The following ENKUR variants were observed in gnomAD, a reference collection of about 807,000 sequenced individuals.
The protein encoded by ENKUR is enkurin, TRPC channel interacting protein, also known as enkurin.
A neutral mutation model predicts 27.6 loss-of-function variants in ENKUR; 19 were observed. The observed-to-expected ratio is 0.69, with a 90% CI of 0.48 to 1.01. ENKUR has a LOEUF of 1.01. Among genes scored for constraint, ENKUR ranks in the 50% least tolerant of loss-of-function variants. The probability of loss-of-function intolerance (pLI) is 0.00; values close to 1 mark genes in which losing one functional copy is unlikely to be tolerated. For synonymous variants in ENKUR, 117 were observed against 96.9 expected (o/e 1.21, Z -1.22); for missense variants, 312 against 310.5 (o/e 1.00, Z -0.04).
In ENKUR at chr10:25,023,485, G is replaced by A. The variant is rs143858970; in HGVS notation, c.38-27616C>T. Reference sequence around the variant, plus strand: ...AGGTTGTTGTGTCATAGATGTGGATGATGATATCCTTGAAAAAACCTGGAA... The same window carrying A: ...AGGTTGTTGTGTCATAGATGTGGATAATGATATCCTTGAAAAAACCTGGAA... On this transcript the variant is annotated intron_variant, in intron 2 of 5. Transcript: ENST00000615958. The A allele has an allele frequency of 5.6e-6, 9 of 1,614,132 alleles. No individual in the cohort carries two copies. In the Middle Eastern group the frequency reaches 6.6e-4, roughly 118 times the overall value.
intron 2 of ENKUR, 49 bp from the exon 3 acceptor site, chr10:24,995,918 A>C: frequency 7.1e-7 from 1 of 1,411,280 alleles, no homozygotes; most frequent in Non-Finnish European, 9.7e-7. Flanking sequence ...AAACACTGCT[A>C]CTCAGTGCTA....
At chr10:25,017,779 GC>G (rs1850636900), upstream of ENKUR, among the ~76,000 whole-genome samples, 3 of 152,058 alleles carry the variant, frequency 2.0e-5, no homozygotes, top group Admixed American at 2.0e-4. Flanking sequence ...ATATCACTTT[GC>G]CCCTTTCTTT....
In ENKUR at chr10:25,016,068, C is replaced by T; in HGVS notation, c.-132G>A. On this transcript the variant is annotated 5_prime_UTR_variant, in exon 1 of 6. It removes the in-frame stop codon of an upstream open reading frame in the 5' UTR. Transcript: ENST00000331161. ...CTGAAGGACCACAGGTTCTCTCCTT[C>T]ACATCGTCCCCCTTTAACCCCCTCT... is the stretch of plus-strand genomic sequence containing the variant. The T allele has an allele frequency of 7.1e-7, 1 of 1,410,970 alleles. No individual in the cohort carries two copies. The highest frequency in any genetic ancestry group is 9.3e-7 in the Non-Finnish European group (1 of 1,078,434). The allele number at this position is 1,410,970 out of a possible 1,614,324, so 87.4% of individuals were successfully genotyped here.
chr10:25,015,638 A>G (rs1314461252), intron 1 of ENKUR, among the ~76,000 whole-genome samples: 1 of 152,238 alleles, frequency 6.6e-6, no homozygotes, highest in African/African-American at 2.4e-5. Flanking sequence ...AATATAATAA[A>G]ATGGTCATCT....
At chr10:25,055,172 G>A (rs1246549431) in intron 2 of ENKUR, among the ~76,000 whole-genome samples, 2 of 152,074 alleles carry the variant, frequency 1.3e-5, no homozygotes, top group Admixed American at 6.5e-5. Context: ...CCAAGAATCA[G>A]GGATGGCCCT....
At chr10:24,993,595 G>T (rs1447729550) in intron 3 of ENKUR, among the ~76,000 whole-genome samples, 1 of 152,318 alleles carries the variant, frequency 6.6e-6, no homozygotes, top group South Asian at 2.1e-4. Context: ...GACTTTAAAA[G>T]AATTTATTTA....
chr10:24,999,695 T>C (rs920685990), intron 1 of ENKUR, 149 bp from the exon 2 acceptor site: 10 of 748,974 alleles, frequency 1.3e-5, no homozygotes, highest in Non-Finnish European at 1.9e-5. Flanking sequence ...ACCTGAGCCC[T>C]GTCCATCAGA....
chr10:24,995,970 G>C (rs888539339), intron 2 of ENKUR, 101 bp from the exon 3 acceptor site: 5 of 909,778 alleles, frequency 5.5e-6, no homozygotes, highest in Non-Finnish European at 6.4e-6. Context: ...TATTGAAGTT[G>C]CAGTCATAAT....
At chr10:25,033,860 TATCTATCA>T (rs1850968052) in intron 2 of ENKUR, among the ~76,000 whole-genome samples, 2 of 139,598 alleles carry the variant, frequency 1.4e-5, no homozygotes, top group South Asian at 2.4e-4. Context: ...TCTATCTATC[TATCTATCA>T]ATCATCTATT....
At chr10:25,019,124 C>T (rs1222541396), upstream of ENKUR, among the ~76,000 whole-genome samples, 1 of 152,160 alleles carries the variant, frequency 6.6e-6, no homozygotes, top group African/African-American at 2.4e-5. Flanking sequence ...ACAGTTAGTT[C>T]TCCATATCTG....
At chr10:25,028,723 A>T (rs908251662) in intron 2 of ENKUR, among the ~76,000 whole-genome samples, 1 of 152,204 alleles carries the variant, frequency 6.6e-6, no homozygotes, top group African/African-American at 2.4e-5. Flanking sequence ...TGTAAAATAT[A>T]TGTACAGTTT....
chr10:25,061,229 T>C, exon 2 of ENKUR: 1 of 1,301,540 alleles, frequency 7.7e-7, no homozygotes, highest in Non-Finnish European at 1.1e-6. Context: ...AAATCGACCC[T>C]GGTTTGCAGC....
chr10:25,018,770 A>G (rs1850662349), upstream of ENKUR, among the ~76,000 whole-genome samples: 1 of 151,910 alleles, frequency 6.6e-6, no homozygotes, highest in Non-Finnish European at 1.5e-5. Context: ...CTTTATAAAG[A>G]CAGGTTCTTT....
intron 4 of ENKUR, among the ~76,000 whole-genome samples, chr10:24,986,055 C>A (rs1240095963): frequency 6.6e-6 from 1 of 152,108 alleles, no homozygotes; most frequent in Non-Finnish European, 1.5e-5. Context: ...AACAACAGAG[C>A]AGAGACCCTG....
chr10:25,018,184 A>G (rs555801829), upstream of ENKUR, among the ~76,000 whole-genome samples: 8 of 152,356 alleles, frequency 5.3e-5, 1 homozygote, highest in South Asian at 1.7e-3. Flanking sequence ...AGCCATGAGC[A>G]GGTTGTTAAA....
chr10:25,017,697 C>G (rs1850635408), upstream of ENKUR, among the ~76,000 whole-genome samples: 2 of 151,562 alleles, frequency 1.3e-5, no homozygotes, highest in South Asian at 4.2e-4. Flanking sequence ...GATTTCTTCA[C>G]ATCAGATTGT....
intron 2 of ENKUR, among the ~76,000 whole-genome samples, chr10:25,044,823 A>G (rs1433106695): frequency 2.0e-5 from 3 of 152,206 alleles, no homozygotes; most frequent in Non-Finnish European, 4.4e-5. Flanking sequence ...TGCCTTGTAC[A>G]TGCTCCATTC....
At chr10:24,984,975 T>C (rs1849750356) in intron 4 of ENKUR, 70 bp from the exon 5 acceptor site, 2 of 1,191,256 alleles carry the variant, frequency 1.7e-6, no homozygotes, top group African/African-American at 1.5e-5. Context: ...GAAAAGCTAA[T>C]TGGTAATGAA....
intron 2 of ENKUR, among the ~76,000 whole-genome samples, chr10:25,049,783 C>CAAAAA: frequency 1.4e-5 from 1 of 69,314 alleles, no homozygotes; most frequent in African/African-American, 4.1e-5. Context: ...GACTCCGTCT[C>CAAAAA]AAAAAAAAAA....
Sources: allele counts gnomAD v4.1 joint callset (sites outside exome capture counted in the v4.1 genomes callset), GRCh38; gene constraint gnomAD v4.1.1; transcripts MANE v1.5; gene names NCBI Gene and HGNC (gene_info 2026-07-23, HGNC 2026-07-21).